MDN1: variants seen among roughly 807,000 people sequenced by gnomAD.
MDN1 encodes the protein midasin AAA ATPase 1.
A neutral mutation model predicts 669.2 loss-of-function variants in MDN1; 266 were observed. The ratio of observed to expected loss-of-function variants is 0.40; its 90% CI spans 0.36 to 0.44. The LOEUF is 0.44. Ranked by LOEUF, MDN1 falls within the 20% of genes least tolerant of loss-of-function variation. MDN1 has a pLI of 1.00. For synonymous variants in MDN1, 2,385 were observed against 2,457.1 expected (o/e 0.97, Z 0.87); for missense variants, 5,940 against 6,754.0 (o/e 0.88, Z 4.22).
At chr6:89,766,871 T>C (rs1477241796) in intron 15 of MDN1, among the ~76,000 whole-genome samples, 3 of 152,236 alleles carry the variant, frequency 2.0e-5, no homozygotes, top group Non-Finnish European at 4.4e-5. Context: ...GCAAGGAAGA[T>C]GAGGATTGGC....
chr6:89,731,029 A>G, intron 34 of MDN1, 106 bp from the exon 35 acceptor site: 2 of 894,250 alleles, frequency 2.2e-6, no homozygotes, highest in Non-Finnish European at 3.4e-6. Flanking sequence ...GGCCTCAGCA[A>G]AACTGCAGCC....
chr6:89,816,668 CCTAT>C (rs1161890674), intron 1 of MDN1, among the ~76,000 whole-genome samples: 7 of 151,560 alleles, frequency 4.6e-5, no homozygotes, highest in African/African-American at 7.3e-5. Context: ...TCTCCACACC[CCTAT>C]CTTTTTTTTT....
chr6:89,653,301 C>T (rs567935928), intron 93 of MDN1, 146 bp from the exon 94 acceptor site: 1 of 813,516 alleles, frequency 1.2e-6, no homozygotes, highest in South Asian at 2.0e-5. Context: ...TTCAGAGGTT[C>T]TTTCTCTCTG....
intron 1 of MDN1, among the ~76,000 whole-genome samples, chr6:89,809,548 G>C (rs1348125787): frequency 6.6e-6 from 1 of 151,838 alleles, no homozygotes; most frequent in Non-Finnish European, 1.5e-5. Flanking sequence ...GGCCAAGGCG[G>C]GTGGATTACT....
Position 89,808,238 on chromosome 6 carries a change from A to G in MDN1, c.103-4684T>C, listed in dbSNP as rs978668572. 5.3e-5 allele frequency among the ~76,000 whole-genome samples: 8 copies of G among 151,512 alleles called. No individual in the cohort carries two copies. In the South Asian group the frequency reaches 6.3e-4, roughly 12 times the overall value. ...AATGAGCCACCATTTTCCTTTTCCT[A>G]TATCTAGTACTTTTTTAATCGGATG... On this transcript the variant is annotated intron_variant, in intron 1 of 101. Transcript: ENST00000369393.
chr6:89,750,916 G>GCT (rs1554192103), intron 23 of MDN1, among the ~76,000 whole-genome samples: 1 of 148,756 alleles, frequency 6.7e-6, no homozygotes, highest in African/African-American at 2.5e-5. Context: ...TATTATTTTG[G>GCT]TTTTTTTTTT....
At position 89,648,293 on chromosome 6, in the gene MDN1, G is replaced by C. The variant is rs1808613850; in HGVS notation, c.16243C>G (p.Leu5415Val). ...ATCTGACCCACTTCCAGGAGGGTTA[G>C]AGCATTTCCAATCACAGCCAAAGAT... Reference protein sequence around the residue: ...FESLAVIGNALTLLEVGQIAV... With the variant: ...FESLAVIGNAVTLLEVGQIAV... The change falls in exon 98 of 102, where the codon CTA becomes GTA. Residue 5415 changes from leucine (L) to valine (V), a missense_variant. Coordinates refer to ENST00000369393, the MANE Select transcript of MDN1 (RefSeq NM_014611.3). 1 of 1,614,200 alleles carries C rather than the reference G, an allele frequency of 6.2e-7. No individual in the cohort carries two copies. Among genetic ancestry groups the C allele is most frequent in the Non-Finnish European group, 8.5e-7 (1 of 1,180,028 alleles).
chr6:89,815,037 G>T, intron 1 of MDN1: 1 of 516,556 alleles, frequency 1.9e-6, no homozygotes, highest in Non-Finnish European at 3.5e-6. Flanking sequence ...CCAGGAGGAG[G>T]AAGAAAGGGG....
intron 24 of MDN1, 70 bp downstream of exon 24, chr6:89,750,284 G>A: frequency 6.9e-7 from 1 of 1,446,906 alleles, no homozygotes; most frequent in Non-Finnish European, 9.5e-7. Flanking sequence ...AAAGGATGAA[G>A]AATATTACTT....
chr6:89,674,338 T>C lies in MDN1; in HGVS notation c.13013A>G (p.Glu4338Gly), dbSNP rs1443471790. 4 of 1,614,272 alleles carry C rather than the reference T, an allele frequency of 2.5e-6. No individual in the cohort carries two copies. The African/African-American group carries it at 4.0e-5, about 16-fold the overall frequency. The change falls in exon 79 of 102, where the codon GAA becomes GGA. Residue 4338 changes from glutamate (E) to glycine (G), a missense_variant. Coordinates refer to ENST00000369393, the MANE Select transcript of MDN1 (RefSeq NM_014611.3). ...TCCACAAAGTTGTCCCTTGCTAAGT[T>C]CTGGTCCTTCCAGGCAGGGGCCAGG... Reference protein sequence around the residue: ...QPPGPCLEGPELSKGQLCGVV... With the variant: ...QPPGPCLEGPGLSKGQLCGVV...
intron 59 of MDN1, among the ~76,000 whole-genome samples, chr6:89,697,003 G>A (rs539717019): frequency 7.5e-4 from 114 of 152,298 alleles, no homozygotes; most frequent in African/African-American, 2.6e-3. Context: ...GTTGTCAAAG[G>A]GTGACAGCCA....
chr6:89,644,899 A>G (rs1316090202), intron 101 of MDN1, 116 bp downstream of exon 101: 5 of 1,129,018 alleles, frequency 4.4e-6, no homozygotes, highest in Admixed American at 2.4e-5. Context: ...ACAGAATACT[A>G]TGAATGCTGG....
Position 89,687,431 on chromosome 6 carries a change from TCC to T in MDN1, c.11361_11362del (p.Trp3787Ter). The T allele has an allele frequency of 6.2e-7, 1 of 1,613,540 alleles. No homozygotes were observed. The highest frequency in any genetic ancestry group is 8.5e-7 in the Non-Finnish European group (1 of 1,179,674). On this transcript the variant is annotated stop_gained and frameshift_variant, in exon 68 of 102. Coordinates refer to ENST00000369393, the MANE Select transcript of MDN1 (RefSeq NM_014611.3). LOFTEE classifies it high-confidence loss of function. ...AGACAAAGCTCGACTTGCATTTTCCTCCCAATCCTAAAGAAACAAAGATAAAA... is the reference window on the plus strand; with the variant it reads ...AGACAAAGCTCGACTTGCATTTTCCTCAATCCTAAAGAAACAAAGATAAAA...
At chr6:89,752,193 T>C (rs1816990501) in intron 22 of MDN1, among the ~76,000 whole-genome samples, 1 of 152,172 alleles carries the variant, frequency 6.6e-6, no homozygotes, top group Non-Finnish European at 1.5e-5. Flanking sequence ...GTCCCCAGAT[T>C]TCAAGCTACA....
chr6:89,711,210 ATGT>A (rs1189456009), intron 49 of MDN1, among the ~76,000 whole-genome samples: 5 of 152,292 alleles, frequency 3.3e-5, no homozygotes, highest in African/African-American at 1.2e-4. Flanking sequence ...AATTCAAGCA[ATGT>A]TGTTATTGTT....
chr6:89,772,212 C>T (rs866276719), intron 14 of MDN1, among the ~76,000 whole-genome samples: 37 of 152,174 alleles, frequency 2.4e-4, no homozygotes, highest in Middle Eastern at 3.4e-3. Context: ...GTCAAGGCTG[C>T]AGTGAGCTGT....
At chr6:89,768,914 T>G (rs958100776) in intron 15 of MDN1, among the ~76,000 whole-genome samples, 3 of 152,012 alleles carry the variant, frequency 2.0e-5, no homozygotes. Flanking sequence ...CAGCTGCATG[T>G]AGTGGCTTGT....
In MDN1 at chr6:89,794,720, G is replaced by T. The variant is rs1441644314; in HGVS notation, c.411C>A (p.Arg137=). The change falls in exon 3 of 102, where the codon CGC becomes CGA. Residue 137 remains arginine, a synonymous_variant. Transcript: ENST00000369393. The part of the protein sequence containing the change: ...FLESSDANPV[R]YGRRRMKLRD... ...GGAGCTTCATCCTCCTACGTCCATA[G>T]CGTACTGGATTAGCATCTGAACTCT... The T allele has an allele frequency of 2.5e-6, 4 of 1,614,080 alleles. No individual in the cohort carries two copies. The East Asian group carries it at 6.7e-5, about 27-fold the overall frequency.
chr6:89,757,450 C>G (rs1817312209), intron 19 of MDN1, among the ~76,000 whole-genome samples: 1 of 152,150 alleles, frequency 6.6e-6, no homozygotes, highest in Non-Finnish European at 1.5e-5. Context: ...TCAACAATAT[C>G]CACTGTCATA....
Sources: allele counts gnomAD v4.1 joint callset (sites outside exome capture counted in the v4.1 genomes callset), GRCh38; gene constraint gnomAD v4.1.1; transcripts MANE v1.5; gene names NCBI Gene and HGNC (gene_info 2026-07-23, HGNC 2026-07-21).